TCERG1L: variants seen among roughly 807,000 people sequenced by gnomAD.
TCERG1L encodes transcription elongation regulator 1-like protein.
In TCERG1L, 37 loss-of-function variants were observed where a neutral mutation model predicts 56.3. The ratio of observed to expected loss-of-function variants is 0.66; its 90% confidence interval spans 0.51 to 0.87. The LOEUF (loss-of-function observed/expected upper bound fraction) is 0.87. TCERG1L is among the 40% of genes least tolerant of loss of function. The probability of loss-of-function intolerance (pLI) is 0.00; values close to 1 mark genes in which losing one functional copy is unlikely to be tolerated. For synonymous variants in TCERG1L, 324 were observed against 326.3 expected (o/e 0.99, Z 0.08); for missense variants, 799 against 774.2 (o/e 1.03, Z -0.38).
chr10:131,220,002 C>T (rs754040558), intron 4 of TCERG1L, among the ~76,000 whole-genome samples: 7 of 152,138 alleles, frequency 4.6e-5, no homozygotes, highest in South Asian at 2.1e-4. Flanking sequence ...TCCTGAGAAA[C>T]GAGCCCAACA....
intron 8 of TCERG1L, among the ~76,000 whole-genome samples, chr10:131,128,420 G>A (rs10765036): frequency 0.59 from 89,069 of 152,040 alleles, 26,281 homozygotes; most frequent in South Asian, 0.63. Flanking sequence ...CTACATTTTT[G>A]TAAGATACAC....
intron 4 of TCERG1L, among the ~76,000 whole-genome samples, chr10:131,199,180 A>C (rs999314548): frequency 1.3e-5 from 2 of 152,104 alleles, no homozygotes; most frequent in African/African-American, 4.8e-5. Flanking sequence ...GGTGAACAGC[A>C]TCTGGCCGTG....
At chr10:131,183,420 T>C (rs1378618525) in intron 4 of TCERG1L, among the ~76,000 whole-genome samples, 3 of 152,224 alleles carry the variant, frequency 2.0e-5, no homozygotes, top group Admixed American at 2.0e-4. Flanking sequence ...TCTATTGAGC[T>C]ACCTATCAAA....
chr10:131,291,340 CA>C (rs1364534716), intron 3 of TCERG1L, among the ~76,000 whole-genome samples: 1 of 138,468 alleles, frequency 7.2e-6, no homozygotes, highest in Non-Finnish European at 1.5e-5. Context: ...CCTATATAGC[CA>C]AGATATATAT....
chr10:131,237,878 G>A (rs951794321), intron 4 of TCERG1L, among the ~76,000 whole-genome samples: 7 of 152,180 alleles, frequency 4.6e-5, no homozygotes, highest in Non-Finnish European at 8.8e-5. Flanking sequence ...GAGAGTTGGC[G>A]GGCGTATGCT....
At chr10:131,134,354 G>C in intron 8 of TCERG1L, 25 bp downstream of exon 8, 1 of 1,565,784 alleles carries the variant, frequency 6.4e-7, no homozygotes, top group South Asian at 1.2e-5. Context: ...GGAAAGATCT[G>C]CTGGGGAAGA....
chr10:131,101,857 C>T (rs943569218), intron 10 of TCERG1L, among the ~76,000 whole-genome samples: 2 of 152,154 alleles, frequency 1.3e-5, no homozygotes, highest in Non-Finnish European at 2.9e-5. Context: ...AGCACCATTA[C>T]ACTTGGCTAA....
intron 5 of TCERG1L, among the ~76,000 whole-genome samples, chr10:131,165,091 A>G (rs1846017526): frequency 6.6e-6 from 1 of 152,382 alleles, no homozygotes; most frequent in African/African-American, 2.4e-5. Flanking sequence ...GTAAGAGACA[A>G]TGGTGAGATA....
Position 131,284,670 on chromosome 10 carries a change from G to A in TCERG1L, c.670+23541C>T, listed in dbSNP as rs796328239. ...AAATGAACAAGTACTTTTTTTGAAT[G>A]AGGAGGTGCAAATAAGCAAAACTAT... On this transcript the variant is annotated intron_variant, in intron 3 of 11. Coordinates refer to ENST00000368642, the MANE Select transcript of TCERG1L (RefSeq NM_174937.4). 5.9e-5 allele frequency among the ~76,000 whole-genome samples: 9 copies of A among 152,120 alleles called. No homozygotes were observed. The East Asian group carries it at 7.7e-4, about 13-fold the overall frequency.
intron 4 of TCERG1L, among the ~76,000 whole-genome samples, chr10:131,235,317 T>C (rs1325244902): frequency 2.0e-5 from 3 of 152,174 alleles, no homozygotes; most frequent in Middle Eastern, 3.4e-3. Flanking sequence ...CTCTAGAAAA[T>C]GAACATGCAG....
chr10:131,116,107 G>A (rs947115548), intron 9 of TCERG1L, among the ~76,000 whole-genome samples: 1 of 152,218 alleles, frequency 6.6e-6, no homozygotes, highest in African/African-American at 2.4e-5. Context: ...CAACTGGGCT[G>A]AAATACTGCC....
At chr10:131,102,433 T>A (rs2133381003) in intron 10 of TCERG1L, among the ~76,000 whole-genome samples, 1 of 152,294 alleles carries the variant, frequency 6.6e-6, no homozygotes, top group East Asian at 1.9e-4. Flanking sequence ...ACTGAGACTC[T>A]GTGGGTTCGT....
chr10:131,159,700 A>G (rs1340268494), intron 6 of TCERG1L, among the ~76,000 whole-genome samples: 1 of 94,088 alleles, frequency 1.1e-5, no homozygotes, highest in African/African-American at 7.1e-5. Context: ...ACCCCACCCC[A>G]TGGCAGAGAG....
intron 6 of TCERG1L, among the ~76,000 whole-genome samples, chr10:131,154,894 C>T (rs1200022712): frequency 6.6e-6 from 1 of 152,236 alleles, no homozygotes; most frequent in Admixed American, 6.5e-5. Context: ...GACTGTGTGG[C>T]CTCTCCGCTT....
intron 4 of TCERG1L, among the ~76,000 whole-genome samples, chr10:131,208,657 G>A (rs1845576681): frequency 1.3e-5 from 2 of 152,310 alleles, no homozygotes; most frequent in Non-Finnish European, 2.9e-5. Context: ...CTTCTAACCT[G>A]AAAACACATA....
Position 131,140,379 on chromosome 10 carries a change from C to T in TCERG1L, c.1190-5931G>A, listed in dbSNP as rs140056054. On this transcript the variant is annotated intron_variant, in intron 7 of 11. Coordinates refer to ENST00000368642, the MANE Select transcript of TCERG1L (RefSeq NM_174937.4). ...CCCTCTCTGATGGGGCCTCCTGCTC[C>T]GCATCCTGTCCGATGTCCTACCCTA... Among the ~76,000 whole-genome samples the T allele has an allele frequency of 2.5e-3, 379 of 152,220 alleles. 2 individuals are homozygous for T. In the South Asian group the frequency reaches 0.028, roughly 11 times the overall value.
At position 131,133,124 on chromosome 10, in the gene TCERG1L, A is replaced by G. The variant is rs374567536; in HGVS notation, c.1259+1255T>C. On this transcript the variant is annotated intron_variant, in intron 8 of 11. Coordinates refer to ENST00000368642, the MANE Select transcript of TCERG1L (RefSeq NM_174937.4). ...GTTCATGGCTCCATCGGCACCCAGCAGAGAGAAGAGTCTGCCCTGACCGCC... is the reference window on the plus strand; with the variant it reads ...GTTCATGGCTCCATCGGCACCCAGCGGAGAGAAGAGTCTGCCCTGACCGCC... Among the ~76,000 whole-genome samples, 5 of 152,274 alleles carry G rather than the reference A, an allele frequency of 3.3e-5. No individual in the cohort carries two copies. In the East Asian group the frequency reaches 9.6e-4, roughly 29 times the overall value.
intron 4 of TCERG1L, among the ~76,000 whole-genome samples, chr10:131,174,569 G>A (rs1846127885): frequency 1.3e-5 from 2 of 152,168 alleles, no homozygotes; most frequent in Non-Finnish European, 2.9e-5. Flanking sequence ...TGGTTCCTGA[G>A]ATCCCACAGC....
chr10:131,175,457 AGG>A (rs35335521), intron 4 of TCERG1L, among the ~76,000 whole-genome samples: 17,507 of 152,222 alleles, frequency 0.12, 1,031 homozygotes, highest in East Asian at 0.23. Context: ...AGCCCACCGC[AGG>A]GGCAGGCTTG....
Sources: gnomAD v4.1 joint callset for allele counts (sites outside exome capture counted in the v4.1 genomes callset) on GRCh38, gnomAD v4.1.1 for gene constraint, MANE v1.5 for transcripts, NCBI Gene and HGNC (gene_info 2026-07-23, HGNC 2026-07-21) for gene names.